Variants in GAPDHS observed in about 807,000 individuals in gnomAD.
The protein encoded by GAPDHS is glyceraldehyde-3-phosphate dehydrogenase, spermatogenic, also known as glyceraldehyde-3-phosphate dehydrogenase, testis-specific.
In GAPDHS, 42 loss-of-function variants were observed where a neutral mutation model predicts 48.7. The ratio of observed to expected loss-of-function variants is 0.86; its 90% CI spans 0.67 to 1.12. GAPDHS has a LOEUF of 1.12. GAPDHS is among the 50% of genes most tolerant of loss of function. The pLI is 0.00. For synonymous variants in GAPDHS, 166 were observed against 219.1 expected (o/e 0.76, Z 2.14); for missense variants, 512 against 557.7 (o/e 0.92, Z 0.82).
chr19:35,538,633 C>G lies in GAPDHS; in HGVS notation c.399C>G (p.Phe133Leu), dbSNP rs1164287589. 1 of 1,612,028 alleles carries G rather than the reference C, an allele frequency of 6.2e-7. No homozygotes were observed. Among genetic ancestry groups the G allele is most frequent in the Non-Finnish European group, 8.5e-7 (1 of 1,178,094 alleles). Residue 133 changes from phenylalanine (F) to leucine (L), a missense_variant, in exon 4 of 11, where the codon TTC becomes TTG. By Grantham distance (22) the Phe-to-Leu change is conservative. Coordinates refer to ENST00000222286, the MANE Select transcript of GAPDHS (RefSeq NM_014364.5). ...GCCGATACAAGGGAAGTGTGGAATTCAGGAATGGACAACTGGTCGTGGACA... is the reference window on the plus strand; with the variant it reads ...GCCGATACAAGGGAAGTGTGGAATTGAGGAATGGACAACTGGTCGTGGACA... ...THGRYKGSVEFRNGQLVVDNH... is the reference protein window; with the variant it reads ...THGRYKGSVELRNGQLVVDNH...
Position 35,536,936 on chromosome 19 carries a change from C to T in GAPDHS, c.191C>T (p.Thr64Ile). ...PPPPLPPHPA[T>I]PPPKMVSVAR... ...CCACCACTGCCTCCTCACCCCGCTACTCCTCCTCCTAAGATGGTGTCTGTG... is the reference window on the plus strand; with the variant it reads ...CCACCACTGCCTCCTCACCCCGCTATTCCTCCTCCTAAGATGGTGTCTGTG... Residue 64 changes from threonine to isoleucine, a missense_variant, in exon 2 of 11, where the codon ACT becomes ATT. Thr to Ile is a moderately conservative substitution (Grantham distance 89, BLOSUM62 -1). Coordinates refer to ENST00000222286, the MANE Select transcript of GAPDHS (RefSeq NM_014364.5). The T allele has an allele frequency of 6.2e-7, 1 of 1,614,126 alleles. No homozygotes were observed. Among genetic ancestry groups the T allele is most frequent in the Non-Finnish European group, 8.5e-7 (1 of 1,179,998 alleles).
At chr19:35,543,137 G>A (rs1324799532) in intron 7 of GAPDHS, 111 bp downstream of exon 7, 3 of 1,015,118 alleles carry the variant, frequency 3.0e-6, no homozygotes, top group Non-Finnish European at 4.6e-6. Flanking sequence ...TTCGGGAGGA[G>A]AGGCCCACCA....
chr19:35,544,844 G>C, intron 9 of GAPDHS, 65 bp from the exon 10 acceptor site: 1 of 889,922 alleles, frequency 1.1e-6, no homozygotes, highest in Non-Finnish European at 1.9e-6. Context: ...TTAAGAGTCG[G>C]GGCCTCAGCT....
chr19:35,540,827 GCTAA>G (rs1225585112), intron 4 of GAPDHS: 1 of 151,876 alleles, frequency 6.6e-6, no homozygotes, highest in African/African-American at 2.4e-5. Context: ...GTATAAAATG[GCTAA>G]CTAAAAAAAA....
intron 1 of GAPDHS, among the ~76,000 whole-genome samples, chr19:35,536,008 A>AGGATTACAGGTGTGTTTG (rs2071463634): frequency 2.0e-5 from 3 of 150,062 alleles, no homozygotes; most frequent in South Asian, 4.2e-4. Flanking sequence ...CCAAAGTGCC[A>AGGATTACAGGTGTGTTTG]GGATTACAGG....
intron 2 of GAPDHS, among the ~76,000 whole-genome samples, chr19:35,537,222 T>C (rs2071471986): frequency 6.6e-6 from 1 of 152,062 alleles, no homozygotes; most frequent in African/African-American, 2.4e-5. Context: ...CTGGGAACAG[T>C]GTAGAATCCA....
At chr19:35,537,421 A>T (rs2071473046) in intron 2 of GAPDHS, among the ~76,000 whole-genome samples, 1 of 152,176 alleles carries the variant, frequency 6.6e-6, no homozygotes, top group Non-Finnish European at 1.5e-5. Flanking sequence ...CAGTATGTTC[A>T]GGGACAGCCA....
rs1014939962 is a variant in GAPDHS, at chr19:35,542,478, CT to C, written c.541-10del. The C allele has an allele frequency of 5.0e-6, 8 of 1,606,158 alleles. No homozygotes were observed. In the Admixed American group the frequency reaches 5.0e-5, roughly 10 times the overall value. ...GTGCCAGAAGCCCCTGACACCTGCG[CT>C]TCCTCCCCAGGACCACATCTCTGCA... is the stretch of plus-strand genomic sequence containing the variant. On this transcript the variant is annotated splice_polypyrimidine_tract_variant and intron_variant, in intron 5 of 10. Coordinates refer to ENST00000222286, the MANE Select transcript of GAPDHS (RefSeq NM_014364.5).
chr19:35,545,077 C>A (rs753485007), intron 10 of GAPDHS, 21 bp from the exon 11 acceptor site: 1 of 1,612,844 alleles, frequency 6.2e-7, no homozygotes, highest in Non-Finnish European at 8.5e-7. Context: ...CCCCTTGAAC[C>A]TCCCGACCCC....
At chr19:35,543,571 G>C (rs2071521279) in intron 8 of GAPDHS, 80 bp downstream of exon 8, 1 of 1,573,172 alleles carries the variant, frequency 6.4e-7, no homozygotes, top group Admixed American at 1.8e-5. Flanking sequence ...GTCCTTAAGA[G>C]GAAAGCAGGG....
Position 35,536,918 on chromosome 19 carries a change from T to C in GAPDHS, c.173T>C (p.Leu58Pro). Reference sequence around the variant, plus strand: ...GAAATAAAGCCACCACCGCCACCACTGCCTCCTCACCCCGCTACTCCTCCT... The same window carrying C: ...GAAATAAAGCCACCACCGCCACCACCGCCTCCTCACCCCGCTACTCCTCCT... ...REEIKPPPPP[L>P]PPHPATPPPK... The change falls in exon 2 of 11, where the codon CTG becomes CCG. Residue 58 changes from leucine (L) to proline (P), a missense_variant. By Grantham distance (98) the Leu-to-Pro change is moderately conservative (BLOSUM62 -3). Coordinates refer to ENST00000222286, the MANE Select transcript of GAPDHS (RefSeq NM_014364.5). 9 of 1,613,980 alleles carry C rather than the reference T, an allele frequency of 5.6e-6. No individual in the cohort carries two copies. Among genetic ancestry groups the C allele is most frequent in the Non-Finnish European group, 7.6e-6 (9 of 1,179,954 alleles).
chr19:35,542,800 C>T (rs1175993320), intron 6 of GAPDHS, 145 bp from the exon 7 acceptor site: 2 of 744,764 alleles, frequency 2.7e-6, no homozygotes, highest in Admixed American at 4.0e-5. Flanking sequence ...CTCCTTCAGT[C>T]TGACAGTGTC....
intron 9 of GAPDHS, 146 bp downstream of exon 9, chr19:35,543,973 C>T (rs2071525860): frequency 1.1e-5 from 15 of 1,396,244 alleles, no homozygotes; most frequent in Non-Finnish European, 1.4e-5. Context: ...TTTGCACTTG[C>T]TGTTCCTTTA....
At chr19:35,543,517 G>C (rs916176310) in intron 8 of GAPDHS, 26 bp downstream of exon 8, 24 of 1,589,628 alleles carry the variant, frequency 1.5e-5, no homozygotes, top group Non-Finnish European at 1.9e-5. Context: ...GCTGCAACCA[G>C]GGTGGGGGCA....
intron 4 of GAPDHS, 173 bp from the exon 5 acceptor site, chr19:35,542,146 A>G (rs1417964375): frequency 1.6e-6 from 1 of 607,666 alleles, no homozygotes; most frequent in Non-Finnish European, 3.0e-6. Context: ...AGTGGTGAAA[A>G]GCTAGGCCAG....
In GAPDHS at chr19:35,545,176, G is replaced by A. The variant is rs113962893; in HGVS notation, c.*6G>A. ...TGTTCAGCCGAGACAAGTGAAACGGGAAGGTCCTTTCTTTCCTTCCCAGGG... is the reference window on the plus strand; with the variant it reads ...TGTTCAGCCGAGACAAGTGAAACGGAAAGGTCCTTTCTTTCCTTCCCAGGG... On this transcript the variant is annotated 3_prime_UTR_variant, in exon 11 of 11. Transcript: ENST00000222286. 39 of 1,611,070 alleles carry A rather than the reference G, an allele frequency of 2.4e-5. No homozygotes were observed. In the African/African-American group the frequency reaches 3.3e-4, roughly 14 times the overall value.
In GAPDHS at chr19:35,543,344, C is replaced by T. The variant is rs1309199861; in HGVS notation, c.746C>T (p.Thr249Ile). ...TTGGTCCTTCTCTTCCCCAAGACCA[C>T]AGTCCATTCCTACACGGCCACCCAG... ...RFGIVEGLMT[T>I]VHSYTATQKT... The change falls in exon 8 of 11, where the codon ACA becomes ATA. Residue 249 changes from threonine (T) to isoleucine (I), a missense_variant. By Grantham distance (89) the Thr-to-Ile change is moderately conservative. Transcript: ENST00000222286. The T allele has an allele frequency of 2.5e-6, 4 of 1,611,588 alleles. No individual in the cohort carries two copies. Among genetic ancestry groups the T allele is most frequent in the Non-Finnish European group, 3.4e-6 (4 of 1,179,308 alleles).
At chr19:35,538,179 T>C (rs1008090483) in intron 2 of GAPDHS, 128 bp from the exon 3 acceptor site, 1 of 643,776 alleles carries the variant, frequency 1.6e-6, no homozygotes, top group African/African-American at 1.8e-5. Flanking sequence ...TGGCAAGAGA[T>C]GCCCATGGCC....
chr19:35,543,622 G>C (rs188207869), intron 8 of GAPDHS, 43 bp from the exon 9 acceptor site: 39 of 1,600,938 alleles, frequency 2.4e-5, no homozygotes, highest in Non-Finnish European at 3.3e-5. Context: ...GGAGGGCAAC[G>C]TCCCTAAGTT....
Sources: allele counts gnomAD v4.1 joint callset (sites outside exome capture counted in the v4.1 genomes callset), GRCh38; gene constraint gnomAD v4.1.1; transcripts MANE v1.5; gene names NCBI Gene and HGNC (gene_info 2026-07-23, HGNC 2026-07-21).